The following RTN3 variants were observed in gnomAD, a reference collection of about 807,000 sequenced individuals.
RTN3 encodes the protein reticulon-3.
In RTN3, 49 loss-of-function variants were observed where a neutral mutation model predicts 77.8. That is an observed-to-expected ratio of 0.63 (90% CI 0.50 to 0.80). The LOEUF is 0.80. Among genes scored for constraint, RTN3 ranks in the 30% least tolerant of loss-of-function variants. RTN3 has a pLI of 0.00. For missense variants in RTN3, 1,236 were observed against 1,211.9 expected (o/e 1.02, Z -0.29); for synonymous variants, 464 against 446.9 (o/e 1.04, Z -0.48).
intron 3 of RTN3, among the ~76,000 whole-genome samples, chr11:63,735,936 A>G (rs1268202024): frequency 6.6e-6 from 1 of 152,202 alleles, no homozygotes; most frequent in Non-Finnish European, 1.5e-5. Flanking sequence ...ACAGTATGGT[A>G]CTGACGAGTC....
At chr11:63,744,224 G>T (rs1037343521) in intron 3 of RTN3, among the ~76,000 whole-genome samples, 1 of 97,676 alleles carries the variant, frequency 1.0e-5, no homozygotes, top group Non-Finnish European at 1.8e-5. Flanking sequence ...CCTGGCGACA[G>T]AGCAAGACTC....
In RTN3 at chr11:63,707,848, C is replaced by CA. The variant is rs1412844629; in HGVS notation, c.199+2945dup. Among the ~76,000 whole-genome samples the CA allele has an allele frequency of 3.9e-5, 6 of 151,914 alleles. No individual in the cohort carries two copies. In the East Asian group the frequency reaches 1.2e-3, roughly 29 times the overall value. On this transcript the variant is annotated intron_variant, in intron 2 of 8. Coordinates refer to ENST00000377819, the MANE Select transcript of RTN3 (RefSeq NM_001265589.2). ...GCAAAACTCCGTCTCAAAAACAAAA[C>CA]AAAAGAATGCCCTATCCTCGAATGG...
chr11:63,750,448 C>G, intron 4 of RTN3: 1 of 420,706 alleles, frequency 2.4e-6, no homozygotes, highest in Non-Finnish European at 4.3e-6. Context: ...AAAGAAGACT[C>G]TAAATTCTTT....
Position 63,750,204 on chromosome 11 carries a change from T to C in RTN3, c.2738+6T>C, listed in dbSNP as rs375968092. ...GAAGAAGGCCATCCATTCAAGTGAG[T>C]TGAAGTCTTAAAAGCAACATTCTAC... On this transcript the variant is annotated splice_donor_region_variant and intron_variant, in intron 4 of 8. Transcript: ENST00000377819. 15 of 1,608,122 alleles carry C rather than the reference T, an allele frequency of 9.3e-6. No homozygotes were observed. The highest frequency in any genetic ancestry group is 1.1e-5 in the Non-Finnish European group (13 of 1,176,242).
chr11:63,756,287 C>T (rs2014378969), intron 8 of RTN3, 117 bp downstream of exon 8: 1 of 686,144 alleles, frequency 1.5e-6, no homozygotes, highest in Non-Finnish European at 2.5e-6. Flanking sequence ...TGATAAAAAC[C>T]TTAGTTAATA....
chr11:63,702,173 GTATT>G (rs112243675), intron 1 of RTN3, among the ~76,000 whole-genome samples: 1,710 of 152,110 alleles, frequency 0.011, 33 homozygotes, highest in African/African-American at 0.038. Context: ...GTAAAGTTCA[GTATT>G]TAGGGACAAT....
At chr11:63,707,924 A>G (rs1279679907) in intron 2 of RTN3, among the ~76,000 whole-genome samples, 2 of 152,180 alleles carry the variant, frequency 1.3e-5, no homozygotes, top group Non-Finnish European at 2.9e-5. Flanking sequence ...AAACAAATAA[A>G]CAAAACACAT....
chr11:63,683,453 C>T (rs535408378), intron 1 of RTN3, among the ~76,000 whole-genome samples: 1 of 152,232 alleles, frequency 6.6e-6, no homozygotes, highest in South Asian at 2.1e-4. Context: ...TCTGTAAGCT[C>T]AAGATAAGAC....
intron 1 of RTN3, among the ~76,000 whole-genome samples, chr11:63,697,031 C>A (rs2134681459): frequency 6.6e-6 from 1 of 151,084 alleles, no homozygotes; most frequent in South Asian, 2.1e-4. Context: ...ACTACAGACG[C>A]CTGCCACCAT....
intron 3 of RTN3, among the ~76,000 whole-genome samples, chr11:63,731,577 C>A (rs1262720425): frequency 6.6e-6 from 1 of 152,142 alleles, no homozygotes; most frequent in Non-Finnish European, 1.5e-5. Flanking sequence ...AACTGAATCA[C>A]TTAAACTGAA....
intron 2 of RTN3, among the ~76,000 whole-genome samples, chr11:63,716,511 T>G (rs959913924): frequency 6.6e-6 from 1 of 152,202 alleles, no homozygotes; most frequent in African/African-American, 2.4e-5. Context: ...TTGTCCCAGC[T>G]CCAAAGATAC....
chr11:63,756,812 C>T (rs890774942), intron 8 of RTN3, among the ~76,000 whole-genome samples: 1 of 152,174 alleles, frequency 6.6e-6, no homozygotes, highest in African/African-American at 2.4e-5. Flanking sequence ...CTTTGGGAGG[C>T]CAAGGCCGGT....
intron 3 of RTN3, among the ~76,000 whole-genome samples, chr11:63,749,087 G>A (rs1369326536): frequency 6.6e-6 from 1 of 152,114 alleles, no homozygotes; most frequent in Non-Finnish European, 1.5e-5. Context: ...TTCGAGACTA[G>A]CCTGGCAGCA....
intron 2 of RTN3, among the ~76,000 whole-genome samples, chr11:63,712,988 C>T (rs934663786): frequency 6.6e-6 from 1 of 151,894 alleles, no homozygotes; most frequent in Non-Finnish European, 1.5e-5. Flanking sequence ...CCAGCTACTC[C>T]GGAGGCTGAG....
intron 3 of RTN3, among the ~76,000 whole-genome samples, chr11:63,730,583 A>T (rs1326038863): frequency 1.3e-5 from 2 of 152,218 alleles, no homozygotes; most frequent in African/African-American, 2.4e-5. Context: ...CTAGTTTGAG[A>T]CCAGCCTGGG....
chr11:63,752,456 C>G, intron 4 of RTN3, 51 bp from the exon 5 acceptor site: 1 of 1,577,288 alleles, frequency 6.3e-7, no homozygotes, highest in Non-Finnish European at 8.7e-7. Context: ...ACTGTGCTAA[C>G]AAAATCTTCT....
intron 3 of RTN3, among the ~76,000 whole-genome samples, chr11:63,734,779 A>ACCC (rs1218679610): frequency 3.3e-4 from 23 of 70,286 alleles, no homozygotes; most frequent in Admixed American, 1.1e-3. Flanking sequence ...ACACACACAC[A>ACCC]CACCATACTG....
At chr11:63,734,138 C>T (rs984013867) in intron 3 of RTN3, among the ~76,000 whole-genome samples, 5 of 152,142 alleles carry the variant, frequency 3.3e-5, no homozygotes, top group African/African-American at 1.2e-4. Context: ...ATGCTGAACA[C>T]TTTCTCCTGA....
At chr11:63,735,600 C>CTCTCTCTCTCTCTCTCTT (rs2013062419) in intron 3 of RTN3, among the ~76,000 whole-genome samples, 4 of 147,054 alleles carry the variant, frequency 2.7e-5, no homozygotes, top group African/African-American at 7.9e-5. Context: ...CTCTCTCTCT[C>CTCTCTCTCTCTCTCTCTT]TTTCTTTCAA....
Sources: gnomAD v4.1 joint callset for allele counts (sites outside exome capture counted in the v4.1 genomes callset) on GRCh38, gnomAD v4.1.1 for gene constraint, MANE v1.5 for transcripts, NCBI Gene and HGNC (gene_info 2026-07-23, HGNC 2026-07-21) for gene names.